KCNG4: variants seen among roughly 807,000 people sequenced by gnomAD.
KCNG4 encodes voltage-gated potassium channel regulatory subunit KCNG4.
In KCNG4, 30 loss-of-function variants were observed where a neutral mutation model predicts 28.2. The ratio of observed to expected loss-of-function variants is 1.06; its 90% CI spans 0.80 to 1.44. The LOEUF is 1.44. Ranked by LOEUF, KCNG4 falls within the 40% of genes most tolerant of loss-of-function variation. The pLI, the probability that KCNG4 is intolerant of heterozygous loss-of-function variation, is 0.00. For missense variants in KCNG4, 879 were observed against 712.3 expected, an observed-to-expected ratio of 1.23 and a Z score of -2.66; for synonymous variants, 375 against 315.5, an observed-to-expected ratio of 1.19 and a Z score of -2.00.
rs370625146 is a variant in KCNG4 at position 84,237,350 on chromosome 16, T to A, written c.136A>T (p.Lys46Ter). 13 of 1,566,426 alleles carry A rather than the reference T, an allele frequency of 8.3e-6. No homozygotes were observed. Among genetic ancestry groups the A allele is most frequent in the Non-Finnish European group, 1.1e-5 (13 of 1,157,056 alleles). The change falls in exon 2 of 3, where the codon AAG (lysine) becomes TAG (stop). Residue 46 changes from lysine to a stop codon, truncating the protein, a stop_gained. Coordinates refer to ENST00000308251, the MANE Select transcript of KCNG4 (RefSeq NM_172347.3). LOFTEE classifies it high-confidence loss of function. ...IKGLYYRRVR[K>*]VGALDASPVD... ...GGGGAGGCGTCCAGGGCACCCACCT[T>A]CCGCACCCTCCGGTAGTAAAGGCCC...
At chr16:84,233,159 C>T (rs547726126) in intron 2 of KCNG4, among the ~76,000 whole-genome samples, 7 of 152,270 alleles carry the variant, frequency 4.6e-5, no homozygotes, top group Admixed American at 2.0e-4. Context: ...CTTTATGCAC[C>T]ACATGACCCC....
intron 2 of KCNG4, among the ~76,000 whole-genome samples, chr16:84,234,116 C>T (rs921900927): frequency 4.6e-5 from 7 of 152,196 alleles, no homozygotes; most frequent in Admixed American, 2.0e-4. Context: ...TCCGGTGCCC[C>T]TTAGAAGAGC....
At chr16:84,227,833 G>T (rs947130789) in intron 2 of KCNG4, among the ~76,000 whole-genome samples, 5 of 152,312 alleles carry the variant, frequency 3.3e-5, no homozygotes, top group African/African-American at 1.2e-4. Flanking sequence ...GACACGACAT[G>T]TTGGATGATT....
In KCNG4 at chr16:84,232,697, C is replaced by G. The variant is rs111601807; in HGVS notation, c.756+4033G>C. Among the ~76,000 whole-genome samples the G allele has an allele frequency of 5.0e-3, 759 of 152,012 alleles. 4 individuals carry two copies. The highest frequency in any genetic ancestry group is 0.017 in the African/African-American group (704 of 41,422). On this transcript the variant is annotated intron_variant, in intron 2 of 2. Transcript: ENST00000308251. ...GGAGACTCACTTGAGCTCAGGAGTT[C>G]GAGACCAGCCTGGCCCACATGGTGA...
chr16:84,223,115 G>T lies in KCNG4; in HGVS notation c.757-95C>A. ...ACTTCATGCCCATGAGCTTTGTGCT[G>T]TAAACTTAGTCGTCCACCAGAACCT... On this transcript the variant is annotated intron_variant, in intron 2 of 2. Coordinates refer to ENST00000308251, the MANE Select transcript of KCNG4 (RefSeq NM_172347.3). The T allele has an allele frequency of 2.9e-6, 3 of 1,019,980 alleles. No homozygotes were observed. The South Asian group carries it at 5.5e-5, about 19-fold the overall frequency. 63.2% of individuals were successfully genotyped at this position (1,019,980 alleles called of 1,614,324 possible).
At chr16:84,238,091 A>G (rs961078520) in intron 1 of KCNG4, among the ~76,000 whole-genome samples, 3 of 152,220 alleles carry the variant, frequency 2.0e-5, no homozygotes, top group African/African-American at 7.2e-5. Flanking sequence ...ATCGTAGGGC[A>G]TGGCAAGGGT....
chr16:84,231,094 G>C (rs148352309), intron 2 of KCNG4, among the ~76,000 whole-genome samples: 1 of 152,320 alleles, frequency 6.6e-6, no homozygotes, highest in African/African-American at 2.4e-5. Context: ...AGGTCCAGGG[G>C]TGTGAGCCCA....
intron 2 of KCNG4, among the ~76,000 whole-genome samples, chr16:84,230,383 T>C (rs1404832447): frequency 8.9e-6 from 1 of 112,946 alleles, no homozygotes; most frequent in Non-Finnish European, 1.7e-5. Flanking sequence ...CCAGCCTGGG[T>C]GACAGTGAGA....
intron 2 of KCNG4, among the ~76,000 whole-genome samples, chr16:84,229,128 T>C (rs933787948): frequency 6.6e-6 from 1 of 152,078 alleles, no homozygotes; most frequent in Admixed American, 6.6e-5. Flanking sequence ...GTGGAAACCC[T>C]GTCTCTACTA....
At chr16:84,228,783 C>T (rs1003934042) in intron 2 of KCNG4, among the ~76,000 whole-genome samples, 1 of 152,250 alleles carries the variant, frequency 6.6e-6, no homozygotes, top group Non-Finnish European at 1.5e-5. Context: ...ACTGTCATCC[C>T]ACAGGGCGAT....
chr16:84,237,828 G>C (rs1311854359), intron 1 of KCNG4, among the ~76,000 whole-genome samples: 1 of 152,188 alleles, frequency 6.6e-6, no homozygotes, highest in East Asian at 1.9e-4. Context: ...GGACAAGTCG[G>C]AGCGGTGCCA....
At chr16:84,229,251 C>A (rs1220850209) in intron 2 of KCNG4, among the ~76,000 whole-genome samples, 4 of 151,334 alleles carry the variant, frequency 2.6e-5, no homozygotes, top group Non-Finnish European at 5.9e-5. Flanking sequence ...CGAGATTGTA[C>A]CATTGCACTC....
At chr16:84,233,091 G>GA (rs202197510) in intron 2 of KCNG4, among the ~76,000 whole-genome samples, 1 of 151,934 alleles carries the variant, frequency 6.6e-6, no homozygotes, top group Non-Finnish European at 1.5e-5. Context: ...ATGAATGAAT[G>GA]ATGATCAGTA....
intron 1 of KCNG4, among the ~76,000 whole-genome samples, chr16:84,238,363 A>G (rs1025686503): frequency 1.3e-5 from 2 of 152,218 alleles, no homozygotes; most frequent in South Asian, 4.1e-4. Context: ...CGAGCATCCA[A>G]GCATCTAGGT....
chr16:84,223,045 C>A, intron 2 of KCNG4, 25 bp from the exon 3 acceptor site: 1 of 1,504,788 alleles, frequency 6.6e-7, no homozygotes, highest in Non-Finnish European at 8.9e-7. Flanking sequence ...GGCAACAACG[C>A]GGGGTAGAGA....
At position 84,222,045 on chromosome 16, in the gene KCNG4, C is replaced by T. The variant is rs959967203; in HGVS notation, c.*172G>A. ...CAGTCAGCCTGGGACATCGGGGCCC[C>T]GAGGGACAAGGATCACAGACACACA... On this transcript the variant is annotated 3_prime_UTR_variant, in exon 3 of 3. Transcript: ENST00000308251. 8.8e-5 allele frequency: 66 copies of T among 752,702 alleles called. No individual in the cohort carries two copies. Among genetic ancestry groups the T allele is most frequent in the African/African-American group, 8.7e-4 (50 of 57,244 alleles). The allele number at this position is 752,702 out of a possible 1,614,324, so 46.6% of individuals were successfully genotyped here.
intron 2 of KCNG4, among the ~76,000 whole-genome samples, chr16:84,233,191 C>T (rs746296484): frequency 2.0e-5 from 3 of 152,158 alleles, no homozygotes; most frequent in Non-Finnish European, 2.9e-5. Flanking sequence ...GCTTAGAGCA[C>T]CCCCATTTCA....
chr16:84,232,944 TC>T (rs1202438284), intron 2 of KCNG4, among the ~76,000 whole-genome samples: 5 of 147,944 alleles, frequency 3.4e-5, no homozygotes, highest in Admixed American at 1.3e-4. Flanking sequence ...GAATCTAAGC[TC>T]CAAGGAAATC....
At chr16:84,235,510 T>G (rs1904925529) in intron 2 of KCNG4, 1 of 152,176 alleles carries the variant, frequency 6.6e-6, no homozygotes, top group African/African-American at 2.4e-5. Context: ...AAGGTCCAAA[T>G]ATTTTGTGGG....
Sources: gnomAD v4.1 joint callset for allele counts (sites outside exome capture counted in the v4.1 genomes callset) on GRCh38, gnomAD v4.1.1 for gene constraint, MANE v1.5 for transcripts, NCBI Gene and HGNC (gene_info 2026-07-23, HGNC 2026-07-21) for gene names.